The following CTNND2 variants were observed in gnomAD, a reference collection of about 807,000 sequenced individuals.
The protein encoded by CTNND2 is catenin delta-2.
Under a neutral mutation model 144.4 loss-of-function variants are expected in CTNND2, and 22 were observed. The observed-to-expected ratio is 0.15, with a 90% CI of 0.11 to 0.22. The LOEUF (loss-of-function observed/expected upper bound fraction) is 0.22. Ranked by LOEUF, CTNND2 falls within the 10% of genes least tolerant of loss-of-function variation. The pLI is 1.00. For synonymous variants in CTNND2, 751 were observed against 695.6 expected, an observed-to-expected ratio of 1.08 and a Z score of -1.25; for missense variants, 1,353 against 1,618.8, an observed-to-expected ratio of 0.84 and a Z score of 2.82.
chr5:11,719,602 T>A (rs892987515), intron 2 of CTNND2, among the ~76,000 whole-genome samples: 1 of 152,172 alleles, frequency 6.6e-6, no homozygotes, highest in Non-Finnish European at 1.5e-5. Context: ...AAAAATAATA[T>A]GCAATATTTA....
intron 2 of CTNND2, among the ~76,000 whole-genome samples, chr5:11,685,286 A>G (rs1275632184): frequency 6.6e-6 from 1 of 152,206 alleles, no homozygotes; most frequent in African/African-American, 2.4e-5. Flanking sequence ...AGGTGAACAC[A>G]TATTCAGTCA....
intron 3 of CTNND2, among the ~76,000 whole-genome samples, chr5:11,467,257 G>A (rs1036065760): frequency 1.3e-5 from 2 of 152,342 alleles, no homozygotes; most frequent in East Asian, 1.9e-4. Flanking sequence ...GACCCCAGGC[G>A]TGATGGGCAA....
At chr5:11,752,753 A>G (rs891734504) in intron 1 of CTNND2, among the ~76,000 whole-genome samples, 2 of 151,800 alleles carry the variant, frequency 1.3e-5, no homozygotes, top group African/African-American at 2.4e-5. Context: ...AATAGCATTC[A>G]ATCTATAAGT....
At chr5:11,185,106 T>C (rs1355988420) in intron 11 of CTNND2, among the ~76,000 whole-genome samples, 1 of 152,230 alleles carries the variant, frequency 6.6e-6, no homozygotes, top group East Asian at 1.9e-4. Flanking sequence ...TCGTGGCCCA[T>C]GTTTTATTCT....
At chr5:11,128,801 A>ATTATATTAAG (rs1236739303) in intron 12 of CTNND2, among the ~76,000 whole-genome samples, 1 of 28,504 alleles carries the variant, frequency 3.5e-5, no homozygotes, top group Non-Finnish European at 6.0e-5. Flanking sequence ...TATATTATAT[A>ATTATATTAAG]TATACAATAT....
At chr5:11,110,804 C>T (rs1752886037) in intron 14 of CTNND2, 54 bp downstream of exon 14, 1 of 1,521,362 alleles carries the variant, frequency 6.6e-7, no homozygotes, top group African/African-American at 1.4e-5. Flanking sequence ...GGATATATTA[C>T]AGTTGCAATT....
At chr5:11,361,853 AC>A (rs1163416975) in intron 8 of CTNND2, among the ~76,000 whole-genome samples, 1 of 152,128 alleles carries the variant, frequency 6.6e-6, no homozygotes, top group Non-Finnish European at 1.5e-5. Flanking sequence ...CCAAGTGTTG[AC>A]CCCTTGAAGG....
intron 7 of CTNND2, 99 bp from the exon 8 acceptor site, chr5:11,364,989 G>T: frequency 1.0e-6 from 1 of 984,340 alleles, no homozygotes; most frequent in Non-Finnish European, 1.5e-6. Flanking sequence ...CAAAATTGTT[G>T]AAATTCCCAG....
chr5:11,749,488 C>T (rs993330283), intron 1 of CTNND2, among the ~76,000 whole-genome samples: 15 of 152,118 alleles, frequency 9.9e-5, no homozygotes, highest in African/African-American at 3.4e-4. Flanking sequence ...TTGTATTCTG[C>T]ATAGTCCCTC....
intron 3 of CTNND2, among the ~76,000 whole-genome samples, chr5:11,448,861 A>T (rs1167004046): frequency 1.3e-5 from 2 of 151,294 alleles, no homozygotes; most frequent in Non-Finnish European, 2.9e-5. Flanking sequence ...CTTGTTTGCT[A>T]GTTTGTTTGT....
At chr5:11,490,343 A>G (rs2149992122) in intron 3 of CTNND2, among the ~76,000 whole-genome samples, 1 of 152,352 alleles carries the variant, frequency 6.6e-6, no homozygotes, top group Non-Finnish European at 1.5e-5. Context: ...TGTGCTATTT[A>G]TAAAACATAA....
intron 18 of CTNND2, among the ~76,000 whole-genome samples, chr5:11,009,917 G>A (rs1018015911): frequency 1.3e-5 from 2 of 152,162 alleles, no homozygotes; most frequent in African/African-American, 2.4e-5. Flanking sequence ...GAGAGGTCAG[G>A]AGACCTTGTG....
intron 7 of CTNND2, among the ~76,000 whole-genome samples, chr5:11,376,344 G>GTGTGTGTGTGTGTA (rs1757947665): frequency 5.3e-4 from 2 of 3,796 alleles, no homozygotes; most frequent in African/African-American, 7.8e-4. Flanking sequence ...GTGTGTGTGT[G>GTGTGTGTGTGTGTA]TGTATTTCTT....
At chr5:11,142,500 A>G (rs760620658) in intron 12 of CTNND2, among the ~76,000 whole-genome samples, 12 of 152,114 alleles carry the variant, frequency 7.9e-5, no homozygotes, top group Non-Finnish European at 8.8e-5. Flanking sequence ...CCATACCCCT[A>G]CCTTGGCAGG....
At chr5:11,130,463 A>G (rs1402282172) in intron 12 of CTNND2, among the ~76,000 whole-genome samples, 1 of 152,180 alleles carries the variant, frequency 6.6e-6, no homozygotes, top group Non-Finnish European at 1.5e-5. Context: ...GCTGTCAAGT[A>G]CTACCTAGGG....
intron 9 of CTNND2, among the ~76,000 whole-genome samples, chr5:11,250,796 C>T (rs32067): frequency 0.37 from 56,009 of 151,616 alleles, 10,777 homozygotes; most frequent in African/African-American, 0.47. Flanking sequence ...GGATTACAAG[C>T]GTGAGCTACC....
chr5:11,810,829 T>C (rs1249315240), intron 1 of CTNND2, among the ~76,000 whole-genome samples: 1 of 152,084 alleles, frequency 6.6e-6, no homozygotes, highest in Non-Finnish European at 1.5e-5. Flanking sequence ...TAGGGTAAGT[T>C]AGGCAACACC....
chr5:11,831,439 C>T (rs1401608035), intron 1 of CTNND2, among the ~76,000 whole-genome samples: 5 of 151,856 alleles, frequency 3.3e-5, no homozygotes, highest in Non-Finnish European at 5.9e-5. Context: ...GAGGCTGAGC[C>T]GGGTAGATCA....
chr5:11,466,370 C>T (rs1181137250), intron 3 of CTNND2, among the ~76,000 whole-genome samples: 4 of 152,110 alleles, frequency 2.6e-5, no homozygotes, highest in Non-Finnish European at 4.4e-5. Context: ...AGTTCTAAGC[C>T]TTTTTTCAGT....
Sources: gnomAD v4.1 joint callset for allele counts (sites outside exome capture counted in the v4.1 genomes callset) on GRCh38, gnomAD v4.1.1 for gene constraint, MANE v1.5 for transcripts, NCBI Gene and HGNC (gene_info 2026-07-23, HGNC 2026-07-21) for gene names.